NRG3: variants seen among roughly 807,000 people sequenced by gnomAD.
NRG3 encodes neuregulin 3.
NRG3 carries 31 observed loss-of-function variants against 66.9 expected under a neutral mutation model. The ratio of observed to expected loss-of-function variants is 0.46; its 90% CI spans 0.35 to 0.63. NRG3 has a LOEUF of 0.63. Ranked by LOEUF, NRG3 falls within the 20% of genes least tolerant of loss-of-function variation. The probability of loss-of-function intolerance (pLI) is 0.00; values close to 1 mark genes in which losing one functional copy is unlikely to be tolerated. For synonymous variants in NRG3, 393 were observed against 359.4 expected (o/e 1.09, Z -1.06); for missense variants, 910 against 878.9 (o/e 1.04, Z -0.45).
chr10:82,824,288 T>C (rs113519374), intron 3 of NRG3, among the ~76,000 whole-genome samples: 1 of 152,358 alleles, frequency 6.6e-6, no homozygotes, highest in African/African-American at 2.4e-5. Context: ...GATGGGCATC[T>C]TTCCTCTTTT....
At chr10:81,903,847 A>T (rs2132676478) in intron 1 of NRG3, among the ~76,000 whole-genome samples, 1 of 152,276 alleles carries the variant, frequency 6.6e-6, no homozygotes, top group East Asian at 1.9e-4. Context: ...TTCCAGCAGA[A>T]CACTGAGCCC....
At chr10:82,109,744 A>G (rs1275286326) in intron 1 of NRG3, among the ~76,000 whole-genome samples, 1 of 152,140 alleles carries the variant, frequency 6.6e-6, no homozygotes, top group Non-Finnish European at 1.5e-5. Flanking sequence ...CAAACACTGT[A>G]ACATGTAATT....
intron 2 of NRG3, among the ~76,000 whole-genome samples, chr10:82,612,686 G>A (rs2048388201): frequency 6.6e-6 from 1 of 151,930 alleles, no homozygotes; most frequent in East Asian, 1.9e-4. Flanking sequence ...TTGAAGTACT[G>A]GAGTTTCCCA....
chr10:81,886,680 A>G (rs1170273646), intron 1 of NRG3, among the ~76,000 whole-genome samples: 2 of 152,172 alleles, frequency 1.3e-5, no homozygotes, highest in Non-Finnish European at 2.9e-5. Flanking sequence ...GTGCATTTGT[A>G]TGTTTTAAGT....
At chr10:82,240,008 G>A (rs573109467) in intron 1 of NRG3, among the ~76,000 whole-genome samples, 1 of 151,922 alleles carries the variant, frequency 6.6e-6, no homozygotes, top group Non-Finnish European at 1.5e-5. Flanking sequence ...ATAAGTGCAA[G>A]TCATATTTTA....
intron 2 of NRG3, among the ~76,000 whole-genome samples, chr10:82,435,525 T>C (rs1288902708): frequency 1.3e-5 from 2 of 152,080 alleles, no homozygotes; most frequent in African/African-American, 4.8e-5. Flanking sequence ...TCTAGATTTT[T>C]GAATTCTGAT....
intron 2 of NRG3, among the ~76,000 whole-genome samples, chr10:82,421,053 T>C (rs961523719): frequency 1.3e-5 from 2 of 152,098 alleles, no homozygotes; most frequent in African/African-American, 4.8e-5. Flanking sequence ...TCAGTATCTG[T>C]TTGTGCTGGT....
chr10:82,565,277 G>A (rs1300050785), intron 2 of NRG3, among the ~76,000 whole-genome samples: 1 of 152,122 alleles, frequency 6.6e-6, no homozygotes, highest in Non-Finnish European at 1.5e-5. Context: ...CTTCTAGGCA[G>A]TTTATCTCAT....
intron 1 of NRG3, among the ~76,000 whole-genome samples, chr10:81,951,699 T>C (rs1849371204): frequency 6.6e-6 from 1 of 152,238 alleles, no homozygotes; most frequent in Non-Finnish European, 1.5e-5. Context: ...TTGTGACGTC[T>C]TGGATAAATT....
intron 1 of NRG3, among the ~76,000 whole-genome samples, chr10:82,316,155 GAA>G (rs2081284442): frequency 1.3e-5 from 2 of 152,072 alleles, no homozygotes; most frequent in African/African-American, 4.8e-5. Context: ...CAACCCCCGC[GAA>G]AAGAGTGCAT....
chr10:82,321,297 G>T (rs188380974), intron 1 of NRG3, among the ~76,000 whole-genome samples: 2,470 of 127,270 alleles, frequency 0.019, 73 homozygotes, highest in African/African-American at 0.091. Context: ...TCCTGTGGCA[G>T]GGGTGGGGGT....
rs10676885 is a variant in NRG3, at chr10:82,405,458, GT to G, written c.953+46604del. On this transcript the variant is annotated intron_variant, in intron 2 of 8. Coordinates refer to ENST00000372141, the MANE Select transcript of NRG3 (RefSeq NM_001010848.4). Reference sequence around the variant, plus strand: ...ATCTTTGGAATGATCTCAGTAGTTTGTTTTTTTTTTTTTTGAAATGGAGTCT... The same window carrying G: ...ATCTTTGGAATGATCTCAGTAGTTTGTTTTTTTTTTTTTGAAATGGAGTCT... Among the ~76,000 whole-genome samples, 651 of 140,250 alleles carry G rather than the reference GT, an allele frequency of 4.6e-3. 4 individuals are homozygous for G. Among genetic ancestry groups the G allele is most frequent in the Non-Finnish European group, 7.7e-3 (500 of 65,102 alleles). 92.0% of individuals were successfully genotyped at this position (140,250 alleles called of 152,430 possible).
rs370811367 is a variant in NRG3, at chr10:82,287,927, G to A, written c.824-70812G>A. Among the ~76,000 whole-genome samples the A allele has an allele frequency of 2.0e-5, 3 of 152,226 alleles. No homozygotes were observed. The East Asian group carries it at 5.8e-4, about 30-fold the overall frequency. On this transcript the variant is annotated intron_variant, in intron 1 of 8. Transcript: ENST00000372141. ...TGGTCCCTTGTTGATCATGATTATC[G>A]GGAGTAAATTCTGTGTCAACAAAGT...
At chr10:82,570,557 A>G (rs1565081701) in intron 2 of NRG3, among the ~76,000 whole-genome samples, 1 of 151,526 alleles carries the variant, frequency 6.6e-6, no homozygotes. Flanking sequence ...CTGTTTTTTA[A>G]CTGTGTATTG....
intron 2 of NRG3, among the ~76,000 whole-genome samples, chr10:82,378,737 A>C (rs1335852674): frequency 2.0e-5 from 3 of 151,682 alleles, no homozygotes; most frequent in Non-Finnish European, 2.9e-5. Flanking sequence ...CACCTGGCTA[A>C]TTTTTGTATT....
intron 1 of NRG3, among the ~76,000 whole-genome samples, chr10:82,099,343 G>A (rs2066579468): frequency 6.6e-6 from 1 of 152,134 alleles, no homozygotes; most frequent in Admixed American, 6.5e-5. Context: ...AATTGCCTGT[G>A]TAGGAAAAAT....
At chr10:82,647,125 G>C (rs1408072690) in intron 2 of NRG3, among the ~76,000 whole-genome samples, 1 of 151,952 alleles carries the variant, frequency 6.6e-6, no homozygotes, top group African/African-American at 2.4e-5. Context: ...TTTAGCATTA[G>C]ATATATCTCC....
intron 2 of NRG3, among the ~76,000 whole-genome samples, chr10:82,405,824 T>C (rs2087478593): frequency 6.6e-6 from 1 of 152,188 alleles, no homozygotes; most frequent in South Asian, 2.1e-4. Context: ...CGCAAATGAT[T>C]GGACCCTGAG....
At chr10:82,115,629 T>A (rs1158320603) in intron 1 of NRG3, among the ~76,000 whole-genome samples, 1 of 152,112 alleles carries the variant, frequency 6.6e-6, no homozygotes, top group Non-Finnish European at 1.5e-5. Flanking sequence ...GAGACAGGCA[T>A]ACACTCAGGC....
Sources: gnomAD v4.1 joint callset for allele counts (sites outside exome capture counted in the v4.1 genomes callset) on GRCh38, gnomAD v4.1.1 for gene constraint, MANE v1.5 for transcripts, NCBI Gene and HGNC (gene_info 2026-07-23, HGNC 2026-07-21) for gene names.